USP14: variants seen among roughly 807,000 people sequenced by gnomAD.
USP14 encodes the protein ubiquitin specific peptidase 14.
In USP14, 38 loss-of-function variants were observed where a neutral mutation model predicts 76.5. That is an observed-to-expected ratio of 0.50 (90% CI 0.38 to 0.65). The LOEUF is 0.65. Among genes scored for constraint, USP14 ranks in the 30% least tolerant of loss-of-function variants. USP14 has a pLI of 0.00. For synonymous variants in USP14, 192 were observed against 191.7 expected, an observed-to-expected ratio of 1.00 and a Z score of -0.01; for missense variants, 467 against 586.5, an observed-to-expected ratio of 0.80 and a Z score of 2.10.
intron 3 of USP14, among the ~76,000 whole-genome samples, chr18:171,025 A>ATATATATATATATATAT (rs1555762344): frequency 7.1e-4 from 34 of 47,612 alleles, no homozygotes; most frequent in Admixed American, 1.5e-3. Context: ...AAAAAAAAAA[A>ATATATATATATATATAT]ATATATATAT....
intron 1 of USP14, among the ~76,000 whole-genome samples, chr18:161,579 C>G (rs1056107393): frequency 6.6e-6 from 1 of 152,140 alleles, no homozygotes; most frequent in Non-Finnish European, 1.5e-5. Context: ...TCCCACCCCC[C>G]CATTAGGCTG....
At chr18:192,431 G>A (rs994560133) in intron 5 of USP14, among the ~76,000 whole-genome samples, 2 of 152,126 alleles carry the variant, frequency 1.3e-5, no homozygotes, top group Non-Finnish European at 2.9e-5. Context: ...GGGCATGATG[G>A]TGGACGCCTG....
chr18:176,633 A>C (rs1322678938), intron 3 of USP14, among the ~76,000 whole-genome samples: 1 of 152,012 alleles, frequency 6.6e-6, no homozygotes, highest in African/African-American at 2.4e-5. Context: ...ATTGTTTTCA[A>C]ATGTTTTATA....
At chr18:197,797 G>T in intron 8 of USP14, 101 bp downstream of exon 8, 1 of 876,748 alleles carries the variant, frequency 1.1e-6, no homozygotes. Context: ...CATCTTATAG[G>T]TAGATGTGTA....
chr18:158,905 G>T (rs1909033406), intron 1 of USP14, 191 bp downstream of exon 1: 3 of 932,612 alleles, frequency 3.2e-6, no homozygotes, highest in South Asian at 4.5e-5. Flanking sequence ...CGTGGCAGGG[G>T]AGCGCCGTCC....
At chr18:162,214 A>G (rs1784375) in intron 1 of USP14, among the ~76,000 whole-genome samples, 28,701 of 152,136 alleles carry the variant, frequency 0.19, 2,869 homozygotes, top group Non-Finnish European at 0.23. Flanking sequence ...GGGTGTACAA[A>G]TATCTGTTTG....
At chr18:163,741 A>G (rs1246983756) in intron 2 of USP14, among the ~76,000 whole-genome samples, 1 of 151,758 alleles carries the variant, frequency 6.6e-6, no homozygotes, top group African/African-American at 2.4e-5. Flanking sequence ...GGTTTGTTAT[A>G]TAGGTAAACT....
intron 5 of USP14, among the ~76,000 whole-genome samples, chr18:192,634 G>C (rs1910121554): frequency 6.6e-6 from 1 of 151,958 alleles, no homozygotes; most frequent in African/African-American, 2.4e-5. Context: ...CTTAAAGTAG[G>C]CTCCATCTAA....
At chr18:188,644 A>T (rs1285595958) in intron 5 of USP14, among the ~76,000 whole-genome samples, 1 of 151,640 alleles carries the variant, frequency 6.6e-6, no homozygotes, top group Admixed American at 6.6e-5. Flanking sequence ...TGCCCATGAA[A>T]TTGTCTGCAC....
chr18:199,870 G>A (rs1466762202), intron 10 of USP14, among the ~76,000 whole-genome samples: 1 of 152,230 alleles, frequency 6.6e-6, no homozygotes, highest in Non-Finnish European at 1.5e-5. Flanking sequence ...CCTAGGAGCA[G>A]TGGTTCAGTA....
At chr18:181,900 T>TGGGA (rs1314086950) in intron 5 of USP14, among the ~76,000 whole-genome samples, 2 of 152,148 alleles carry the variant, frequency 1.3e-5, no homozygotes, top group East Asian at 3.8e-4. Context: ...TTATGTATGG[T>TGGGA]GGGAGGGAGG....
At chr18:192,645 AT>A (rs1192600008) in intron 5 of USP14, among the ~76,000 whole-genome samples, 196 bp from the exon 6 acceptor site, 1 of 152,076 alleles carries the variant, frequency 6.6e-6, no homozygotes, top group East Asian at 1.9e-4. Flanking sequence ...CTCCATCTAA[AT>A]TCCCTTTTCA....
chr18:203,222 T>C, intron 12 of USP14, 32 bp downstream of exon 12: 1 of 1,570,324 alleles, frequency 6.4e-7, no homozygotes, highest in Non-Finnish European at 8.7e-7. Flanking sequence ...GTATAAGAAA[T>C]GTAATTCTTT....
chr18:210,029 A>G lies in USP14; in HGVS notation c.1223A>G (p.Asp408Gly). Residue 408 changes from aspartate to glycine, a missense_variant and splice_region_variant, in exon 14 of 16, where the codon GAT becomes GGT. Transcript: ENST00000261601. ...EVKYEPFSFA[D>G]DIGSNNCGYY... Reference sequence around the variant, plus strand: ...AAGTATGAACCCTTTTCTTTTGCTGATGGTAAGTAACATTCTCATTTTAAT... The same window carrying G: ...AAGTATGAACCCTTTTCTTTTGCTGGTGGTAAGTAACATTCTCATTTTAAT... The G allele has an allele frequency of 6.2e-7, 1 of 1,603,240 alleles. No individual in the cohort carries two copies. Among genetic ancestry groups the G allele is most frequent in the Non-Finnish European group, 8.5e-7 (1 of 1,175,094 alleles).
intron 3 of USP14, among the ~76,000 whole-genome samples, chr18:169,776 T>G (rs1158786792): frequency 6.6e-6 from 1 of 152,194 alleles, no homozygotes; most frequent in African/African-American, 2.4e-5. Flanking sequence ...CTTTGTCACA[T>G]TTTGGTGATT....
intron 13 of USP14, among the ~76,000 whole-genome samples, chr18:208,913 T>C (rs1345726679): frequency 6.6e-6 from 1 of 152,104 alleles, no homozygotes; most frequent in African/African-American, 2.4e-5. Context: ...GCCTGGCTAA[T>C]TTTTGTATTT....
intron 3 of USP14, among the ~76,000 whole-genome samples, chr18:174,023 G>A (rs553351796): frequency 7.2e-5 from 11 of 152,082 alleles, no homozygotes; most frequent in African/African-American, 2.4e-4. Flanking sequence ...TTAAAGTTGC[G>A]TTGGCTATTC....
intron 3 of USP14, among the ~76,000 whole-genome samples, chr18:169,525 A>T (rs142095417): frequency 3.3e-5 from 5 of 151,442 alleles, no homozygotes; most frequent in African/African-American, 1.2e-4. Flanking sequence ...GGTTAATCTC[A>T]TTGATTTTTA....
At chr18:172,713 C>G (rs1489152395) in intron 3 of USP14, among the ~76,000 whole-genome samples, 1 of 149,244 alleles carries the variant, frequency 6.7e-6, no homozygotes, top group East Asian at 2.0e-4. Flanking sequence ...TGATTGTCAG[C>G]TTTTTTTTTT....
Sources: gnomAD v4.1 joint callset for allele counts (sites outside exome capture counted in the v4.1 genomes callset) on GRCh38, gnomAD v4.1.1 for gene constraint, MANE v1.5 for transcripts, NCBI Gene and HGNC (gene_info 2026-07-23, HGNC 2026-07-21) for gene names.